The following GRID2 variants were observed in gnomAD, a reference collection of about 807,000 sequenced individuals.
The protein encoded by GRID2 is glutamate ionotropic receptor delta type subunit 2.
GRID2 carries 33 observed loss-of-function variants against 114.8 expected under a neutral mutation model. That is an observed-to-expected ratio of 0.29 (90% CI 0.22 to 0.38). The LOEUF is 0.38. GRID2 is among the 10% of genes least tolerant of loss of function. The probability of loss-of-function intolerance (pLI) is 1.00; values close to 1 mark genes in which losing one functional copy is unlikely to be tolerated. For synonymous variants in GRID2, 505 were observed against 449.9 expected, an observed-to-expected ratio of 1.12 and a Z score of -1.55; for missense variants, 1,184 against 1,257.7, an observed-to-expected ratio of 0.94 and a Z score of 0.89.
At chr4:92,753,595 C>T (rs1176896559) in intron 2 of GRID2, among the ~76,000 whole-genome samples, 1 of 152,138 alleles carries the variant, frequency 6.6e-6, no homozygotes, top group African/African-American at 2.4e-5. Flanking sequence ...GAAAACAATT[C>T]TCAGTCTGAG....
chr4:92,684,996 G>A (rs1325494931), intron 2 of GRID2, among the ~76,000 whole-genome samples: 1 of 151,942 alleles, frequency 6.6e-6, no homozygotes, highest in African/African-American at 2.4e-5. Context: ...AGTGAATGTA[G>A]TTAAACCCAA....
intron 4 of GRID2, among the ~76,000 whole-genome samples, chr4:93,137,678 A>T (rs1735387684): frequency 6.6e-6 from 1 of 152,180 alleles, no homozygotes; most frequent in African/African-American, 2.4e-5. Context: ...GATATAAAGT[A>T]TATTGTACGT....
intron 1 of GRID2, among the ~76,000 whole-genome samples, chr4:93,798,550 A>T (rs1175482543): frequency 6.6e-6 from 1 of 152,170 alleles, no homozygotes; most frequent in East Asian, 1.9e-4. Flanking sequence ...AAATCCACAT[A>T]AGTGAGTAGG....
At chr4:93,371,741 CTTTTTTTTTTTTTTT>C (rs1205096650) in intron 8 of GRID2, among the ~76,000 whole-genome samples, 1 of 89,796 alleles carries the variant, frequency 1.1e-5, no homozygotes, top group Non-Finnish European at 2.1e-5. Flanking sequence ...ATCACTATTT[CTTTTTTTTTTTTTTT>C]TTTTTTTTGG....
chr4:92,874,640 G>T (rs929767753), intron 2 of GRID2, among the ~76,000 whole-genome samples: 3 of 152,098 alleles, frequency 2.0e-5, no homozygotes, highest in Non-Finnish European at 2.9e-5. Flanking sequence ...ATGAGTAAAG[G>T]TTAGAATTTA....
At chr4:92,473,294 C>G (rs1294346876) in intron 1 of GRID2, among the ~76,000 whole-genome samples, 1 of 152,052 alleles carries the variant, frequency 6.6e-6, no homozygotes, top group African/African-American at 2.4e-5. Context: ...TGAAAACTTG[C>G]AAAACACTTT....
chr4:93,518,544 CA>C (rs1730027666), intron 13 of GRID2, among the ~76,000 whole-genome samples: 1 of 151,956 alleles, frequency 6.6e-6, no homozygotes, highest in Admixed American at 6.6e-5. Context: ...GAAATGAAAA[CA>C]AATGCCTTCA....
intron 14 of GRID2, among the ~76,000 whole-genome samples, chr4:93,685,575 T>C (rs1336207719): frequency 6.6e-6 from 1 of 152,116 alleles, no homozygotes; most frequent in Admixed American, 6.6e-5. Flanking sequence ...TGACCTATAG[T>C]AGGTGCTCAC....
intron 4 of GRID2, among the ~76,000 whole-genome samples, chr4:93,129,282 A>G (rs1273462632): frequency 6.6e-6 from 1 of 152,220 alleles, no homozygotes; most frequent in African/African-American, 2.4e-5. Context: ...GTTGAAAATA[A>G]TAATAAGAAT....
At chr4:92,369,189 G>T (rs997798284) in intron 1 of GRID2, among the ~76,000 whole-genome samples, 1 of 152,104 alleles carries the variant, frequency 6.6e-6, no homozygotes, top group African/African-American at 2.4e-5. Flanking sequence ...TAGGTGCCAA[G>T]TTACATCTTT....
chr4:93,187,216 G>A (rs1252820594), intron 4 of GRID2, among the ~76,000 whole-genome samples: 1 of 152,146 alleles, frequency 6.6e-6, no homozygotes, highest in Non-Finnish European at 1.5e-5. Context: ...GGCCCTCCAG[G>A]ATTTATGTCC....
At chr4:92,870,395 A>G (rs1745192442) in intron 2 of GRID2, among the ~76,000 whole-genome samples, 1 of 152,030 alleles carries the variant, frequency 6.6e-6, no homozygotes, top group Non-Finnish European at 1.5e-5. Context: ...TTGAATGCAG[A>G]ACAGGGCTTG....
At chr4:93,292,888 C>A (rs1391445995) in intron 8 of GRID2, among the ~76,000 whole-genome samples, 4 of 152,108 alleles carry the variant, frequency 2.6e-5, no homozygotes, top group Admixed American at 2.6e-4. Flanking sequence ...ATACAGTAAG[C>A]CCCAGTAAAA....
chr4:93,514,031 G>A (rs747331148), intron 12 of GRID2, among the ~76,000 whole-genome samples: 1 of 152,156 alleles, frequency 6.6e-6, no homozygotes. Flanking sequence ...CTTGTTTGAA[G>A]TACAGTATAG....
chr4:92,429,709 G>A (rs894926821), intron 1 of GRID2, among the ~76,000 whole-genome samples: 1 of 151,988 alleles, frequency 6.6e-6, no homozygotes, highest in Non-Finnish European at 1.5e-5. Flanking sequence ...ATGTAATTTA[G>A]TCCCCAGCAG....
At chr4:92,473,964 T>TTGTGTGTGTGTGTG (rs59328379) in intron 1 of GRID2, among the ~76,000 whole-genome samples, 47 of 144,438 alleles carry the variant, frequency 3.3e-4, no homozygotes, top group Non-Finnish European at 4.3e-4. Context: ...GTTATCTTGG[T>TTGTGTGTGTGTGTG]TGTGTGTGTG....
At chr4:92,986,481 GA>G (rs1327949574) in intron 2 of GRID2, among the ~76,000 whole-genome samples, 1 of 152,098 alleles carries the variant, frequency 6.6e-6, no homozygotes, top group Non-Finnish European at 1.5e-5. Context: ...GTAGGCACAG[GA>G]AAACAAGGAA....
intron 13 of GRID2, among the ~76,000 whole-genome samples, chr4:93,618,043 T>C: frequency 6.6e-6 from 1 of 152,242 alleles, no homozygotes; most frequent in East Asian, 1.9e-4. Flanking sequence ...GAAAGTTTAC[T>C]CATGACATGG....
intron 9 of GRID2, among the ~76,000 whole-genome samples, chr4:93,414,890 G>T (rs903061584): frequency 1.3e-5 from 2 of 151,680 alleles, no homozygotes; most frequent in African/African-American, 2.4e-5. Context: ...TATTATTTTG[G>T]ATAGAAATGC....
Sources: allele counts gnomAD v4.1 joint callset (sites outside exome capture counted in the v4.1 genomes callset), GRCh38; gene constraint gnomAD v4.1.1; transcripts MANE v1.5; gene names NCBI Gene and HGNC (gene_info 2026-07-23, HGNC 2026-07-21).